SCHIP1: variants seen among roughly 807,000 people sequenced by gnomAD.
The protein encoded by SCHIP1 is schwannomin-interacting protein 1.
A neutral mutation model predicts 29.7 loss-of-function variants in SCHIP1; 8 were observed. The observed-to-expected ratio is 0.27, with a 90% CI of 0.16 to 0.49. The LOEUF (loss-of-function observed/expected upper bound fraction) is 0.49. Among genes scored for constraint, SCHIP1 ranks in the 20% least tolerant of loss-of-function variants. SCHIP1 has a pLI of 0.99. For synonymous variants in SCHIP1, 76 were observed against 94.9 expected (o/e 0.80, Z 1.16); for missense variants, 193 against 294.6 (o/e 0.66, Z 2.52).
At chr3:159,845,814 C>T (rs1711747655) in intron 1 of SCHIP1, 2 of 152,112 alleles carry the variant, frequency 1.3e-5, no homozygotes, top group Admixed American at 1.3e-4. Context: ...GTTCTGAGTC[C>T]CTAGGATCAG....
chr3:159,570,916 G>A, the SCHIP1 span, among the ~76,000 whole-genome samples: 2 of 152,160 alleles, frequency 1.3e-5, no homozygotes, highest in Admixed American at 6.6e-5. Flanking sequence ...AATTGTGAAT[G>A]GGAGTTCACT....
the SCHIP1 span, among the ~76,000 whole-genome samples, chr3:159,661,720 G>T: frequency 6.6e-6 from 1 of 152,120 alleles, no homozygotes; most frequent in African/African-American, 2.4e-5. Flanking sequence ...CTTGTCCAAA[G>T]ACTTTGAGTT....
the SCHIP1 span, among the ~76,000 whole-genome samples, chr3:159,698,708 G>A: frequency 4.0e-5 from 6 of 151,798 alleles, no homozygotes; most frequent in South Asian, 2.1e-4. Context: ...GCATGGTCTC[G>A]GCTCACTGCA....
At chr3:159,434,707 C>G in the SCHIP1 span, among the ~76,000 whole-genome samples, 1 of 152,118 alleles carries the variant, frequency 6.6e-6, no homozygotes, top group East Asian at 1.9e-4. Context: ...ACATGGCATT[C>G]TCATCTTTAA....
the SCHIP1 span, among the ~76,000 whole-genome samples, chr3:159,827,811 C>CAAA: frequency 7.6e-4 from 57 of 75,474 alleles, no homozygotes; most frequent in African/African-American, 2.1e-3. Flanking sequence ...GACTCCGTCT[C>CAAA]AAAAAAAAAA....
the SCHIP1 span, among the ~76,000 whole-genome samples, chr3:159,447,406 A>G: frequency 3.3e-5 from 5 of 152,168 alleles, no homozygotes; most frequent in Admixed American, 2.0e-4. Flanking sequence ...AAATAGAGTG[A>G]TGGACACTGT....
chr3:159,866,309 G>T (rs777397480), intron 2 of SCHIP1, 28 bp downstream of exon 3: 1 of 1,593,882 alleles, frequency 6.3e-7, no homozygotes, highest in Non-Finnish European at 8.6e-7. Flanking sequence ...TTGAATTTCT[G>T]ATATGTACAC....
the SCHIP1 span, among the ~76,000 whole-genome samples, chr3:159,541,517 G>A: frequency 6.6e-6 from 1 of 152,022 alleles, no homozygotes; most frequent in Non-Finnish European, 1.5e-5. Flanking sequence ...CAAATCCTGT[G>A]AAAAGGTGAC....
chr3:159,792,621 T>C, the SCHIP1 span, among the ~76,000 whole-genome samples: 1 of 152,234 alleles, frequency 6.6e-6, no homozygotes. Flanking sequence ...TTTATTAGTT[T>C]TTAGTCATTG....
the SCHIP1 span, among the ~76,000 whole-genome samples, chr3:159,586,564 G>A: frequency 1.3e-5 from 2 of 152,002 alleles, no homozygotes; most frequent in Non-Finnish European, 2.9e-5. Flanking sequence ...ATATTTAAAC[G>A]TAGCATCTTA....
At chr3:159,303,229 G>A in the SCHIP1 span, among the ~76,000 whole-genome samples, 1 of 151,986 alleles carries the variant, frequency 6.6e-6, no homozygotes, top group Non-Finnish European at 1.5e-5. Context: ...TTTAAAAAGT[G>A]AGCAAAAGTA....
the SCHIP1 span, among the ~76,000 whole-genome samples, chr3:159,397,948 C>G: frequency 6.6e-6 from 1 of 152,300 alleles, no homozygotes; most frequent in Non-Finnish European, 1.5e-5. Flanking sequence ...GCAGTTTGAT[C>G]TCAGACTGCT....
At chr3:159,379,717 G>A in the SCHIP1 span, among the ~76,000 whole-genome samples, 1 of 152,176 alleles carries the variant, frequency 6.6e-6, no homozygotes, top group Admixed American at 6.6e-5. Context: ...GGACACCATA[G>A]TGGCAATGTT....
the SCHIP1 span, among the ~76,000 whole-genome samples, chr3:159,566,033 C>CA: frequency 8.4e-4 from 128 of 152,220 alleles, no homozygotes; most frequent in Middle Eastern, 6.8e-3. Context: ...AAATTATCTC[C>CA]AAAGTAATAC....
chr3:159,693,910 CGTGAAGATCAGTGCTA>C, the SCHIP1 span, among the ~76,000 whole-genome samples: 3 of 152,144 alleles, frequency 2.0e-5, no homozygotes, highest in Non-Finnish European at 4.4e-5. Flanking sequence ...GTACGTGTGT[CGTGAAGATCAGTGCTA>C]TGGTTTCCAC....
the SCHIP1 span, among the ~76,000 whole-genome samples, chr3:159,493,798 C>A: frequency 1.3e-5 from 2 of 152,184 alleles, no homozygotes; most frequent in Non-Finnish European, 2.9e-5. Context: ...AGAGAATATA[C>A]ATTCTTCTCA....
chr3:159,733,627 C>T, the SCHIP1 span, among the ~76,000 whole-genome samples: 1 of 152,200 alleles, frequency 6.6e-6, no homozygotes, highest in African/African-American at 2.4e-5. Flanking sequence ...AAATTCCTTA[C>T]ATACTCCATG....
intron 6 of SCHIP1, chr3:159,892,864 T>G (rs1717681610): frequency 6.6e-6 from 1 of 152,336 alleles, no homozygotes; most frequent in Non-Finnish European, 1.5e-5. Context: ...TGGAATACTG[T>G]AAACATTCCT....
At chr3:159,893,252 G>A (rs1046922275) in intron 6 of SCHIP1, 2 of 152,170 alleles carry the variant, frequency 1.3e-5, no homozygotes, top group African/African-American at 4.8e-5. Flanking sequence ...TGTTTTGTAT[G>A]TTTTACATAT....
Sources: gnomAD v4.1 joint callset for allele counts (sites outside exome capture counted in the v4.1 genomes callset) on GRCh38, gnomAD v4.1.1 for gene constraint, MANE v1.5 for transcripts, NCBI Gene and HGNC (gene_info 2026-07-23, HGNC 2026-07-21) for gene names.